The following CSMD1 variants were observed in gnomAD, a reference collection of about 807,000 sequenced individuals.
The protein encoded by CSMD1 is CUB and Sushi multiple domains 1, also known as CUB and sushi domain-containing protein 1.
Under a neutral mutation model 417.5 loss-of-function variants are expected in CSMD1, and 213 were observed. The observed-to-expected ratio is 0.51, with a 90% confidence interval of 0.46 to 0.57. The LOEUF is 0.57. CSMD1 is among the 20% of genes least tolerant of loss of function. The probability of loss-of-function intolerance (pLI) is 0.00; values close to 1 mark genes in which losing one functional copy is unlikely to be tolerated. For missense variants in CSMD1, 6,923 were observed against 4,529.7 expected (o/e 1.53, Z -15.17); for synonymous variants, 2,862 against 1,736.8 (o/e 1.65, Z -16.11).
Position 4,416,506 on chromosome 8 carries a change from A to G in CSMD1, c.415+3447T>C, listed in dbSNP as rs1796950257. ...ATATTTAGACTTTAGAACCAAAATA[A>G]TGAACATTTTGAGTCTAAGAGTTTT... On this transcript the variant is annotated intron_variant, in intron 3 of 69. Coordinates refer to ENST00000635120, the MANE Select transcript of CSMD1 (RefSeq NM_033225.6). 1.3e-5 allele frequency among the ~76,000 whole-genome samples: 2 copies of G among 152,180 alleles called. 1 individual carries two copies. Among genetic ancestry groups the G allele is most frequent in the South Asian group, 4.1e-4 (2 of 4,830 alleles).
intron 45 of CSMD1, among the ~76,000 whole-genome samples, chr8:3,107,488 T>C (rs1430011048): frequency 6.6e-6 from 1 of 152,064 alleles, no homozygotes; most frequent in South Asian, 2.1e-4. Flanking sequence ...AAAATTCAAA[T>C]GGCAAAACAA....
intron 2 of CSMD1, among the ~76,000 whole-genome samples, chr8:4,609,268 G>T (rs562442825): frequency 2.6e-5 from 4 of 152,316 alleles, no homozygotes; most frequent in South Asian, 2.1e-4. Flanking sequence ...GGGCATGCTG[G>T]TGTGTGCCTT....
chr8:3,546,285 C>T (rs985271069), intron 10 of CSMD1, among the ~76,000 whole-genome samples: 1 of 152,052 alleles, frequency 6.6e-6, no homozygotes, highest in African/African-American at 2.4e-5. Context: ...AAAAAAATCC[C>T]AGTACTTTGG....
intron 3 of CSMD1, among the ~76,000 whole-genome samples, chr8:4,378,895 A>G (rs1168621130): frequency 6.6e-6 from 1 of 152,190 alleles, no homozygotes; most frequent in Admixed American, 6.6e-5. Context: ...CTGAATCCGC[A>G]ATGCTTGGGT....
At chr8:3,956,223 C>A (rs181692435) in intron 5 of CSMD1, among the ~76,000 whole-genome samples, 173 of 152,074 alleles carry the variant, frequency 1.1e-3, no homozygotes, top group African/African-American at 3.9e-3. Flanking sequence ...ATATAATGTG[C>A]CAGGTGGTGT....
intron 25 of CSMD1, among the ~76,000 whole-genome samples, chr8:3,285,111 G>C (rs890350726): frequency 6.6e-6 from 1 of 152,224 alleles, no homozygotes; most frequent in South Asian, 2.1e-4. Flanking sequence ...AGCCCTGAAT[G>C]GGTCTGATTT....
At chr8:4,229,724 C>G (rs963919684) in intron 3 of CSMD1, among the ~76,000 whole-genome samples, 9 of 152,210 alleles carry the variant, frequency 5.9e-5, no homozygotes, top group African/African-American at 2.2e-4. Flanking sequence ...CTTGACCCAC[C>G]CCATCCTCTG....
intron 10 of CSMD1, among the ~76,000 whole-genome samples, chr8:3,541,844 T>G (rs570225278): frequency 8.6e-5 from 13 of 151,996 alleles, no homozygotes; most frequent in Admixed American, 7.9e-4. Context: ...TTCCAACACT[T>G]TGATGTTAGG....
intron 5 of CSMD1, among the ~76,000 whole-genome samples, chr8:3,790,886 C>T (rs970462179): frequency 6.6e-6 from 1 of 152,098 alleles, no homozygotes; most frequent in Non-Finnish European, 1.5e-5. Flanking sequence ...GAAACTGTCG[C>T]TAATGAATGG....
chr8:3,829,845 T>A (rs1802271316), intron 5 of CSMD1, among the ~76,000 whole-genome samples: 1 of 152,194 alleles, frequency 6.6e-6, no homozygotes. Flanking sequence ...AAAGCTCTTT[T>A]TGAATATTAA....
intron 1 of CSMD1, among the ~76,000 whole-genome samples, chr8:4,668,458 ATTATTAT>A (rs1563103831): frequency 6.9e-6 from 1 of 144,468 alleles, no homozygotes; most frequent in Non-Finnish European, 1.5e-5. Flanking sequence ...TATTATTATT[ATTATTAT>A]TTGAGATGGA....
intron 3 of CSMD1, among the ~76,000 whole-genome samples, chr8:4,211,192 A>G (rs946363707): frequency 6.6e-6 from 1 of 150,512 alleles, no homozygotes; most frequent in Non-Finnish European, 1.5e-5. Context: ...TATTTCAGGG[A>G]AAGTCATTTG....
intron 1 of CSMD1, among the ~76,000 whole-genome samples, chr8:4,946,659 A>T (rs1808390011): frequency 6.6e-6 from 1 of 152,200 alleles, no homozygotes; most frequent in Non-Finnish European, 1.5e-5. Context: ...CCCGAATTAA[A>T]AATGAAGCAA....
intron 1 of CSMD1, among the ~76,000 whole-genome samples, chr8:4,822,147 A>T (rs1430114103): frequency 6.6e-6 from 1 of 151,972 alleles, no homozygotes; most frequent in South Asian, 2.1e-4. Flanking sequence ...TAAATGTTAT[A>T]AGCCTCTGAA....
chr8:3,678,887 A>T (rs1398755426), intron 7 of CSMD1, among the ~76,000 whole-genome samples: 1 of 152,216 alleles, frequency 6.6e-6, no homozygotes, highest in Admixed American at 6.5e-5. Context: ...AATATTCAAC[A>T]TTCTTAAAGA....
chr8:3,564,990 T>G (rs1038747197), intron 10 of CSMD1, among the ~76,000 whole-genome samples: 3 of 135,112 alleles, frequency 2.2e-5, no homozygotes, highest in African/African-American at 8.7e-5. Context: ...ATGCTGGGCT[T>G]AATACCTAGG....
At position 4,994,499 on chromosome 8, in the gene CSMD1, G is replaced by A; in HGVS notation, c.-83C>T. On this transcript the variant is annotated 5_prime_UTR_variant, in exon 1 of 70. Transcript: ENST00000635120. ...TATGAGCGGAGCCAAATAATCACCC[G>A]AGGGCAAGGCGAGCCGGAGAGAGAG... 5.4e-6 allele frequency: 7 copies of A among 1,292,160 alleles called. No homozygotes were observed. Among genetic ancestry groups the A allele is most frequent in the South Asian group, 5.0e-5 (4 of 80,192 alleles). The allele number at this position is 1,292,160 out of a possible 1,614,324, so 80.0% of individuals were successfully genotyped here. A position where few individuals can be genotyped will look rare whatever the true frequency, so the allele number is the denominator to read the frequency against.
At chr8:3,676,405 G>A (rs942170656) in intron 7 of CSMD1, among the ~76,000 whole-genome samples, 20 of 152,148 alleles carry the variant, frequency 1.3e-4, no homozygotes, top group African/African-American at 3.9e-4. Flanking sequence ...CAAGCACCAT[G>A]CTGGACACGC....
chr8:4,505,191 A>G (rs1802456125), intron 2 of CSMD1, among the ~76,000 whole-genome samples: 1 of 152,206 alleles, frequency 6.6e-6, no homozygotes, highest in Non-Finnish European at 1.5e-5. Context: ...TGTTTCCTCT[A>G]GATTTAAATA....
Sources: gnomAD v4.1 joint callset for allele counts (sites outside exome capture counted in the v4.1 genomes callset) on GRCh38, gnomAD v4.1.1 for gene constraint, MANE v1.5 for transcripts, NCBI Gene and HGNC (gene_info 2026-07-23, HGNC 2026-07-21) for gene names.